HTR2A: variants seen among roughly 807,000 people sequenced by gnomAD.
The protein encoded by HTR2A is 5-HT2 receptor.
Under a neutral mutation model 31.0 loss-of-function variants are expected in HTR2A, and 14 were observed. That is an observed-to-expected ratio of 0.45 (90% CI 0.30 to 0.71). The LOEUF is 0.71. HTR2A is among the 30% of genes least tolerant of loss of function. HTR2A has a pLI of 0.09. For synonymous variants in HTR2A, 209 were observed against 225.2 expected (o/e 0.93, Z 0.64); for missense variants, 442 against 573.3 (o/e 0.77, Z 2.34).
chr13:46,863,928 A>G (rs1382779101), intron 3 of HTR2A, among the ~76,000 whole-genome samples: 1 of 152,166 alleles, frequency 6.6e-6, no homozygotes, highest in African/African-American at 2.4e-5. Context: ...TATATACCCA[A>G]AGGAATATAA....
At chr13:46,873,614 A>C (rs1410460514) in intron 3 of HTR2A, among the ~76,000 whole-genome samples, 1 of 151,662 alleles carries the variant, frequency 6.6e-6, no homozygotes, top group Admixed American at 6.6e-5. Context: ...ACCCCACAAC[A>C]GTCCCCAGAG....
intron 3 of HTR2A, among the ~76,000 whole-genome samples, chr13:46,842,599 G>A (rs1426486451): frequency 6.6e-6 from 1 of 152,124 alleles, no homozygotes; most frequent in East Asian, 1.9e-4. Context: ...AGCCTATAGT[G>A]TCCCTAACAC....
intron 3 of HTR2A, among the ~76,000 whole-genome samples, chr13:46,845,700 G>A (rs1950637342): frequency 6.7e-6 from 1 of 148,306 alleles, no homozygotes; most frequent in Non-Finnish European, 1.5e-5. Context: ...AGAGATATAA[G>A]CAGAAAACTA....
At chr13:46,881,144 G>C (rs79089222) in intron 3 of HTR2A, among the ~76,000 whole-genome samples, 1 of 152,138 alleles carries the variant, frequency 6.6e-6, no homozygotes, top group Non-Finnish European at 1.5e-5. Context: ...ACCGTATTGT[G>C]CTTCTAAGTA....
chr13:46,890,440 G>A (rs1324185546), intron 3 of HTR2A, among the ~76,000 whole-genome samples: 3 of 152,172 alleles, frequency 2.0e-5, no homozygotes, highest in Non-Finnish European at 4.4e-5. Context: ...TCTGCCTCTG[G>A]CTCTTTCTGG....
At position 46,895,200 on chromosome 13, in the gene HTR2A, T is replaced by C. The variant is rs1033847; in HGVS notation, c.412+295A>G. On this transcript the variant is annotated intron_variant, in intron 2 of 3. Coordinates refer to ENST00000542664, the MANE Select transcript of HTR2A (RefSeq NM_000621.5). The surrounding 1 kb of genome is among the most constrained non-coding windows in gnomAD (Gnocchi z 4.4). ...CTGTATGGGGTAATTTATAAAAATTTCTACATTAAATGTACATGTTTTGAA... is the reference window on the plus strand; with the variant it reads ...CTGTATGGGGTAATTTATAAAAATTCCTACATTAAATGTACATGTTTTGAA... The C allele has an allele frequency of 0.93, 258,089 of 278,502 alleles. 120,050 individuals carry two copies. Among genetic ancestry groups the C allele is most frequent in the East Asian group, 1 (13,920 of 13,926 alleles). 17.3% of individuals were successfully genotyped at this position (278,502 alleles called of 1,614,324 possible). A position where few individuals can be genotyped will look rare whatever the true frequency, so the allele number is the denominator to read the frequency against.
At chr13:46,894,754 TCTGA>T (rs1263934141) in intron 2 of HTR2A, among the ~76,000 whole-genome samples, 2 of 152,162 alleles carry the variant, frequency 1.3e-5, no homozygotes, top group Non-Finnish European at 2.9e-5. Flanking sequence ...TGCTGAGAGG[TCTGA>T]CTGTTTCAAA....
rs6317 is a variant in HTR2A, at chr13:46,896,467, C to T, written c.-329+207G>A. ...GTTACAGTTCTCAGCCATTCTTAAGCTGAATTGCCACAGCTGCTGTCAGGA... is the reference window on the plus strand; with the variant it reads ...GTTACAGTTCTCAGCCATTCTTAAGTTGAATTGCCACAGCTGCTGTCAGGA... On this transcript the variant is annotated intron_variant, in intron 1 of 3. Coordinates refer to ENST00000542664, the MANE Select transcript of HTR2A (RefSeq NM_000621.5). 2.1e-3 allele frequency among the ~76,000 whole-genome samples: 319 copies of T among 152,314 alleles called. 1 individual carries two copies. Among genetic ancestry groups the T allele is most frequent in the African/African-American group, 7.4e-3 (307 of 41,570 alleles).
chr13:46,835,803 G>C (rs1353045066), intron 3 of HTR2A, among the ~76,000 whole-genome samples, 164 bp from the exon 4 acceptor site: 1 of 152,108 alleles, frequency 6.6e-6, no homozygotes, highest in Non-Finnish European at 1.5e-5. Flanking sequence ...TATGTGTTTT[G>C]TAAGTATATA....
chr13:46,845,979 T>C (rs1464386265), intron 3 of HTR2A, among the ~76,000 whole-genome samples: 1 of 152,238 alleles, frequency 6.6e-6, no homozygotes, highest in Non-Finnish European at 1.5e-5. Context: ...ACCATTGTTA[T>C]AATTGTCTAT....
intron 3 of HTR2A, among the ~76,000 whole-genome samples, chr13:46,858,176 G>T (rs534300602): frequency 1.7e-4 from 26 of 152,112 alleles, no homozygotes; most frequent in Non-Finnish European, 3.4e-4. Context: ...TTGGAGAGAA[G>T]AAAGCTTTGG....
At chr13:46,876,414 T>A (rs1215149022) in intron 3 of HTR2A, among the ~76,000 whole-genome samples, 113 of 131,508 alleles carry the variant, frequency 8.6e-4, no homozygotes, top group African/African-American at 3.0e-3. Context: ...ATTTTTTTTT[T>A]TTTTTTTTTT....
chr13:46,857,800 G>C (rs1950749345), intron 3 of HTR2A, among the ~76,000 whole-genome samples: 3 of 152,196 alleles, frequency 2.0e-5, no homozygotes. Context: ...TCCAGAGAGA[G>C]GAACCTGGGG....
intron 3 of HTR2A, among the ~76,000 whole-genome samples, chr13:46,845,935 CT>C (rs1950639460): frequency 6.6e-6 from 1 of 152,204 alleles, no homozygotes; most frequent in South Asian, 2.1e-4. Context: ...TGTATTTTTA[CT>C]ATACCTTTTC....
chr13:46,881,818 A>G (rs940781147), intron 3 of HTR2A, among the ~76,000 whole-genome samples: 1 of 152,164 alleles, frequency 6.6e-6, no homozygotes, highest in African/African-American at 2.4e-5. Flanking sequence ...GGGGCTGGGA[A>G]TGTCCTCCAG....
chr13:46,892,880 C>T (rs1033498857), intron 2 of HTR2A, among the ~76,000 whole-genome samples: 3 of 152,130 alleles, frequency 2.0e-5, no homozygotes, highest in Non-Finnish European at 4.4e-5. Flanking sequence ...TTCCCCCTTA[C>T]GCCTGGCAAA....
Position 46,895,301 on chromosome 13 carries a change from G to A in HTR2A, c.412+194C>T, listed in dbSNP as rs147429004. 1.1e-3 allele frequency: 635 copies of A among 584,026 alleles called. 4 individuals carry two copies. The highest frequency in any genetic ancestry group is 0.011 in the African/African-American group (570 of 53,780). The allele number at this position is 584,026 out of a possible 1,614,324, so 36.2% of individuals were successfully genotyped here. A position where few individuals can be genotyped will look rare whatever the true frequency, so the allele number is the denominator to read the frequency against. ...GCACAAAACTCTCCAGTGATCACAG[G>A]TCATAGACTGTCTGATTTTTATGTG... On this transcript the variant is annotated intron_variant, in intron 2 of 3. Transcript: ENST00000542664. The surrounding 1 kb of genome is among the most constrained non-coding windows in gnomAD (Gnocchi z 4.4).
At chr13:46,866,382 C>T (rs1172838530) in intron 3 of HTR2A, among the ~76,000 whole-genome samples, 3 of 152,148 alleles carry the variant, frequency 2.0e-5, no homozygotes, top group Non-Finnish European at 4.4e-5. Flanking sequence ...CTCTGCAGAG[C>T]TATCCTGTAC....
intron 3 of HTR2A, among the ~76,000 whole-genome samples, chr13:46,864,119 T>C (rs995413601): frequency 1.3e-5 from 2 of 152,114 alleles, no homozygotes; most frequent in Non-Finnish European, 2.9e-5. Flanking sequence ...TGCAGGGACA[T>C]GGATGGAGCC....
Sources: gnomAD v4.1 joint callset for allele counts (sites outside exome capture counted in the v4.1 genomes callset) on GRCh38, gnomAD v4.1.1 for gene constraint, Gnocchi (gnomAD v3.1) non-coding constraint, MANE v1.5 for transcripts, NCBI Gene and HGNC (gene_info 2026-07-23, HGNC 2026-07-21) for gene names.